The following FYCO1 variants were observed in gnomAD, a reference collection of about 807,000 sequenced individuals.
FYCO1 encodes FYVE and coiled-coil domain-containing protein 1.
In FYCO1, 122 loss-of-function variants were observed where a neutral mutation model predicts 165.1. The observed-to-expected ratio is 0.74, with a 90% CI of 0.64 to 0.86. The LOEUF is 0.86. Ranked by LOEUF, FYCO1 falls within the 40% of genes least tolerant of loss-of-function variation. FYCO1 has a pLI of 0.00. For missense variants in FYCO1, 1,702 were observed against 1,810.3 expected (o/e 0.94, Z 1.09); for synonymous variants, 648 against 742.5 (o/e 0.87, Z 2.07).
chr3:45,944,123 T>C (rs1704424893), intron 14 of FYCO1, among the ~76,000 whole-genome samples: 1 of 152,122 alleles, frequency 6.6e-6, no homozygotes, highest in Non-Finnish European at 1.5e-5. Flanking sequence ...GCCCACAGAA[T>C]ACATGGCAGA....
At position 45,921,445 on chromosome 3, in the gene FYCO1, T is replaced by A; in HGVS notation, c.*320A>T. The stretch of plus-strand genomic sequence containing the variant: ...CCCGTGAAACTCTCCACAAGAGGCC[T>A]GTAGCCAACTGTGCTCCCAGGAGAG... On this transcript the variant is annotated 3_prime_UTR_variant, in exon 18 of 18. Coordinates refer to ENST00000296137, the MANE Select transcript of FYCO1 (RefSeq NM_024513.4). 1 of 383,484 alleles carries A rather than the reference T, an allele frequency of 2.6e-6. No homozygotes were observed. The highest frequency in any genetic ancestry group is 5.0e-6 in the Non-Finnish European group (1 of 199,380). 23.8% of individuals were successfully genotyped at this position (383,484 alleles called of 1,614,324 possible). A position where few individuals can be genotyped will look rare whatever the true frequency, so the allele number is the denominator to read the frequency against.
chr3:45,938,321 A>G, intron 14 of FYCO1: 1 of 956,510 alleles, frequency 1.0e-6, no homozygotes, highest in Non-Finnish European at 1.5e-6. Context: ...ATTAGGGCAG[A>G]GGGCTTTCTT....
At chr3:45,923,873 A>G in intron 16 of FYCO1, 108 bp from the exon 17 acceptor site, 1 of 779,936 alleles carries the variant, frequency 1.3e-6, no homozygotes, top group Non-Finnish European at 2.3e-6. Flanking sequence ...GTGTTGCCTG[A>G]GGTCACAGAT....
chr3:45,929,158 A>G (rs1703469387), intron 16 of FYCO1, among the ~76,000 whole-genome samples: 1 of 152,116 alleles, frequency 6.6e-6, no homozygotes, highest in South Asian at 2.1e-4. Flanking sequence ...GATAACAGCC[A>G]CCCCCATCTG....
Position 45,984,969 on chromosome 3 carries a change from A to G in FYCO1, c.-59T>C. ...GCCTGGGTCCAGAGGAAGGCTCAGAATTTCGGCCCTCGGTGGCTGTCTGCT... is the reference window on the plus strand; with the variant it reads ...GCCTGGGTCCAGAGGAAGGCTCAGAGTTTCGGCCCTCGGTGGCTGTCTGCT... On this transcript the variant is annotated 5_prime_UTR_variant, in exon 2 of 18. Transcript: ENST00000296137. 1 of 1,585,766 alleles carries G rather than the reference A, an allele frequency of 6.3e-7. No homozygotes were observed. Among genetic ancestry groups the G allele is most frequent in the South Asian group, 1.1e-5 (1 of 90,466 alleles).
chr3:45,967,530 C>G lies in FYCO1; in HGVS notation c.1804G>C (p.Asp602His). 1.2e-6 allele frequency: 2 copies of G among 1,613,778 alleles called. No homozygotes were observed. The highest frequency in any genetic ancestry group is 8.5e-7 in the Non-Finnish European group (1 of 1,179,906). Residue 602 changes from aspartate to histidine, a missense_variant, in exon 8 of 18, where the codon GAT (aspartate) becomes CAT (histidine). Physicochemically the swap from Asp to His is moderately conservative, Grantham distance 81. Coordinates refer to ENST00000296137, the MANE Select transcript of FYCO1 (RefSeq NM_024513.4). ...TGGCTGCCCTCTTGCACCTTGGTAT[C>G]GTCTAACTGTGCCTCCTGCAGGCCC... ...QRGLQEAQLD[D>H]TKVQEGSQEE...
chr3:45,974,106 T>C (rs1294968824), intron 5 of FYCO1, among the ~76,000 whole-genome samples: 1 of 151,884 alleles, frequency 6.6e-6, no homozygotes, highest in Non-Finnish European at 1.5e-5. Flanking sequence ...TGCCTGGGCA[T>C]AGTGGCTCAC....
At chr3:45,950,914 C>A (rs1704975259) in intron 14 of FYCO1, among the ~76,000 whole-genome samples, 1 of 152,196 alleles carries the variant, frequency 6.6e-6, no homozygotes, top group African/African-American at 2.4e-5. Flanking sequence ...ATCCTGTTCT[C>A]ATTTTGTTTC....
In FYCO1 at chr3:45,966,794, T is replaced by C; in HGVS notation, c.2540A>G (p.Gln847Arg). The change falls in exon 8 of 18, where the codon CAA becomes CGA. Residue 847 changes from glutamine (Q) to arginine (R), a missense_variant. Gln to Arg is a conservative substitution (Grantham distance 43, BLOSUM62 1). Coordinates refer to ENST00000296137, the MANE Select transcript of FYCO1 (RefSeq NM_024513.4). The stretch of plus-strand genomic sequence containing the variant: ...CAGTGCCCCTTCACGCTCCGAGCAT[T>C]GCAGCAGCTCCTGGACATGGGCTCT... ...LNRAHVQELL[Q>R]CSEREGALQE... is the part of the protein sequence containing the mutation. The C allele has an allele frequency of 6.2e-7, 1 of 1,610,086 alleles. No homozygotes were observed. The highest frequency in any genetic ancestry group is 8.5e-7 in the Non-Finnish European group (1 of 1,180,012).
chr3:45,956,153 T>A (rs979062924), intron 13 of FYCO1, among the ~76,000 whole-genome samples: 3 of 151,942 alleles, frequency 2.0e-5, no homozygotes, highest in African/African-American at 7.3e-5. Flanking sequence ...CTGGCCAACT[T>A]GATGAAACCC....
chr3:45,933,049 G>GTCTAGACATCA (rs1460754982), intron 15 of FYCO1, among the ~76,000 whole-genome samples: 1 of 152,148 alleles, frequency 6.6e-6, no homozygotes, highest in African/African-American at 2.4e-5. Context: ...CAATCATCTA[G>GTCTAGACATCA]TCTAGACATC....
At chr3:45,954,708 T>G (rs1291604447) in intron 14 of FYCO1, among the ~76,000 whole-genome samples, 1 of 152,142 alleles carries the variant, frequency 6.6e-6, no homozygotes, top group Admixed American at 6.5e-5. Flanking sequence ...GTTAAGATGA[T>G]GCCGCTAGGG....
intron 14 of FYCO1, among the ~76,000 whole-genome samples, 174 bp downstream of exon 14, chr3:45,955,075 A>G (rs1006409164): frequency 1.3e-5 from 2 of 152,206 alleles, no homozygotes; most frequent in Non-Finnish European, 2.9e-5. Context: ...GCAAGGCTCA[A>G]CACTGACAAC....
chr3:45,948,971 G>A (rs1285373431), intron 14 of FYCO1, among the ~76,000 whole-genome samples: 1 of 152,142 alleles, frequency 6.6e-6, no homozygotes, highest in Non-Finnish European at 1.5e-5. Flanking sequence ...GGGAGAAAAG[G>A]TCCAAAAAAT....
At chr3:45,979,014 G>A (rs900623716) in intron 4 of FYCO1, among the ~76,000 whole-genome samples, 3 of 151,794 alleles carry the variant, frequency 2.0e-5, no homozygotes, top group Non-Finnish European at 4.4e-5. Context: ...CCGCCACCAC[G>A]CCTGGCTAAT....
chr3:45,938,793 C>T (rs931217827), intron 14 of FYCO1, among the ~76,000 whole-genome samples: 9 of 152,206 alleles, frequency 5.9e-5, no homozygotes, highest in Admixed American at 1.3e-4. Flanking sequence ...AGGCCAGCCT[C>T]GAGGCTCTTG....
rs1237348963 is a variant in FYCO1 at position 45,985,112 on chromosome 3, C to T, written c.-112-90G>A. On this transcript the variant is annotated intron_variant, in intron 1 of 17. Transcript: ENST00000296137. ...AGAACTCTGCTCTGGGCACAAAGGT[C>T]ACCCTATCTGGGTGTATTCCCTCAA... is the stretch of plus-strand genomic sequence containing the variant. The T allele has an allele frequency of 5.5e-4, 371 of 673,774 alleles. 2 individuals carry two copies. The highest frequency in any genetic ancestry group is 5.7e-5 in the Non-Finnish European group (21 of 368,430). The allele number at this position is 673,774 out of a possible 1,614,324, so 41.7% of individuals were successfully genotyped here. A position where few individuals can be genotyped will look rare whatever the true frequency, so the allele number is the denominator to read the frequency against.
rs764117873 is a variant in FYCO1, at chr3:45,959,438, T to C, written c.3542A>G (p.Asp1181Gly). The C allele has an allele frequency of 6.2e-7, 1 of 1,614,076 alleles. No individual in the cohort carries two copies. ...CATCCAGCTGAACTCCCGCTTACAGTCGAGGCAGTGGTTTGCCTCTGTGTC... is the reference window on the plus strand; with the variant it reads ...CATCCAGCTGAACTCCCGCTTACAGCCGAGGCAGTGGTTTGCCTCTGTGTC... ...LGDTEANHCL[D>G]CKREFSWMVR... The change falls in exon 12 of 18, where the codon GAC (aspartate) becomes GGC (glycine). Residue 1181 changes from aspartate (D) to glycine (G), a missense_variant. Physicochemically the swap from Asp to Gly is moderately conservative, Grantham distance 94. Transcript: ENST00000296137.
rs1261593085 is a variant in FYCO1 at position 45,967,267 on chromosome 3, C to T, written c.2067G>A (p.Glu689=). 9 of 1,614,074 alleles carry T rather than the reference C, an allele frequency of 5.6e-6. No homozygotes were observed. In the East Asian group the frequency reaches 2.0e-4, roughly 36 times the overall value. ...ASLLAVRKAK[E]AMKAQMAEKE... Reference sequence around the variant, plus strand: ...TCTCTGCCATCTGGGCTTTCATGGCCTCCTTGGCCTTCCTTACAGCCAGCA... The same window carrying T: ...TCTCTGCCATCTGGGCTTTCATGGCTTCCTTGGCCTTCCTTACAGCCAGCA... The change falls in exon 8 of 18, where the codon GAG becomes GAA. Residue 689 remains glutamate (E), a synonymous_variant. Coordinates refer to ENST00000296137, the MANE Select transcript of FYCO1 (RefSeq NM_024513.4).
Sources: gnomAD v4.1 joint callset for allele counts (sites outside exome capture counted in the v4.1 genomes callset) on GRCh38, gnomAD v4.1.1 for gene constraint, MANE v1.5 for transcripts, NCBI Gene and HGNC (gene_info 2026-07-23, HGNC 2026-07-21) for gene names.